Variants in TRPM3 observed in about 807,000 individuals in gnomAD.
TRPM3 encodes the protein long transient receptor potential channel 3.
Under a neutral mutation model 181.2 loss-of-function variants are expected in TRPM3, and 77 were observed. The ratio of observed to expected loss-of-function variants is 0.42; its 90% CI spans 0.35 to 0.51. The LOEUF (loss-of-function observed/expected upper bound fraction) is 0.51. Among genes scored for constraint, TRPM3 ranks in the 20% least tolerant of loss-of-function variants. The pLI is 0.01. For synonymous variants in TRPM3, 745 were observed against 796.4 expected (o/e 0.94, Z 1.09); for missense variants, 1,759 against 2,196.7 (o/e 0.80, Z 3.98).
intron 1 of TRPM3, among the ~76,000 whole-genome samples, chr9:71,382,436 T>C (rs1297923331): frequency 6.6e-6 from 1 of 152,080 alleles, no homozygotes; most frequent in African/African-American, 2.4e-5. Flanking sequence ...TATTGGAAAA[T>C]AGTAAAGCTA....
intron 1 of TRPM3, among the ~76,000 whole-genome samples, chr9:71,133,973 TTGTGTGTGTGTGTG>T (rs72198070): frequency 0.023 from 3,356 of 148,544 alleles, 58 homozygotes; most frequent in East Asian, 0.093. Context: ...CTGTGTGTGT[TTGTGTGTGTGTGTG>T]TGTGTGTGTG....
intron 22 of TRPM3, among the ~76,000 whole-genome samples, chr9:70,559,996 G>A (rs1047160164): frequency 6.6e-6 from 1 of 152,156 alleles, no homozygotes; most frequent in Admixed American, 6.6e-5. Context: ...GAAAATCCTG[G>A]TCCTAGTTTT....
At chr9:71,154,834 C>G (rs1025809246) in intron 1 of TRPM3, among the ~76,000 whole-genome samples, 1 of 152,068 alleles carries the variant, frequency 6.6e-6, no homozygotes, top group South Asian at 2.1e-4. Context: ...AGCAGTGGCA[C>G]CAAAGAACGA....
At chr9:71,125,626 T>C (rs1317051043), upstream of TRPM3, among the ~76,000 whole-genome samples, 1 of 152,224 alleles carries the variant, frequency 6.6e-6, no homozygotes, top group Non-Finnish European at 1.5e-5. Context: ...TTCCATGTCT[T>C]TGCTATTGTG....
rs59512793 is a variant in TRPM3 at position 71,416,010 on chromosome 9, ATT to A, written c.183+30641_183+30642del. Among the ~76,000 whole-genome samples, 799 of 142,502 alleles carry A rather than the reference ATT, an allele frequency of 5.6e-3. 4 individuals carry two copies. Among genetic ancestry groups the A allele is most frequent in the African/African-American group, 0.016 (643 of 39,494 alleles). The allele number at this position is 142,502 out of a possible 152,430, so 93.5% of individuals were successfully genotyped here. A position where few individuals can be genotyped will look rare whatever the true frequency, so the allele number is the denominator to read the frequency against. On this transcript the variant is annotated intron_variant, in intron 1 of 24. Transcript: ENST00000357533. ...AAAGTAATCTTGTTATAATATTCCA[ATT>A]TTTTTTTTTTTTTTACTTTCCATTA...
At chr9:71,061,326 C>A (rs1033839859) in intron 1 of TRPM3, among the ~76,000 whole-genome samples, 1 of 152,038 alleles carries the variant, frequency 6.6e-6, no homozygotes, top group African/African-American at 2.4e-5. Flanking sequence ...TGGGACATCC[C>A]AATCATATAG....
intron 9 of TRPM3, among the ~76,000 whole-genome samples, chr9:70,676,595 TGA>T (rs2064065503): frequency 1.3e-5 from 2 of 152,284 alleles, no homozygotes; most frequent in South Asian, 4.1e-4. Flanking sequence ...CAGGGCCAGC[TGA>T]GAGGAGCAGG....
At chr9:70,811,754 T>G (rs1239265577) in intron 6 of TRPM3, among the ~76,000 whole-genome samples, 4 of 152,192 alleles carry the variant, frequency 2.6e-5, no homozygotes, top group African/African-American at 7.2e-5. Flanking sequence ...TTAGCTACTT[T>G]TGACTTAAAA....
intron 1 of TRPM3, among the ~76,000 whole-genome samples, chr9:71,056,240 C>T (rs1244650457): frequency 6.6e-6 from 1 of 150,552 alleles, no homozygotes; most frequent in Middle Eastern, 3.3e-3. Context: ...CACTCATTGT[C>T]TGTGAATGGA....
chr9:71,198,113 A>G (rs1258921464), intron 1 of TRPM3, among the ~76,000 whole-genome samples: 1 of 149,560 alleles, frequency 6.7e-6, no homozygotes, highest in African/African-American at 2.4e-5. Context: ...TCCCAGCACC[A>G]TTTATTAAAT....
In TRPM3 at chr9:71,010,932, TACACACACAC is replaced by T. The variant is rs60869396; in HGVS notation, c.177+110236_177+110245del. ...AAAATGACACACACACACACACACA[TACACACACAC>T]ACACACACACACACACACATAAATA... On this transcript the variant is annotated intron_variant, in intron 1 of 25. Transcript: ENST00000677713. Among the ~76,000 whole-genome samples, 828 of 147,196 alleles carry T rather than the reference TACACACACAC, an allele frequency of 5.6e-3. 4 individuals are homozygous for T. Among genetic ancestry groups the T allele is most frequent in the Non-Finnish European group, 8.9e-3 (593 of 66,854 alleles).
intron 1 of TRPM3, among the ~76,000 whole-genome samples, chr9:71,000,274 C>A (rs563681504): frequency 5.9e-5 from 9 of 152,156 alleles, no homozygotes; most frequent in Non-Finnish European, 1.3e-4. Flanking sequence ...AATTCAGAAC[C>A]TTAAGATTCT....
chr9:71,331,823 AAGGAAGAGGAGAGGGAGGAGG>A (rs1565470396), intron 1 of TRPM3, among the ~76,000 whole-genome samples: 2 of 14,062 alleles, frequency 1.4e-4, no homozygotes, highest in African/African-American at 5.2e-4. Context: ...GAGAGAGGAG[AAGGAAGAGGAGAGGGAGGAGG>A]AGGAAGAAGA....
At chr9:70,653,277 T>C (rs2059827682) in intron 9 of TRPM3, among the ~76,000 whole-genome samples, 1 of 152,038 alleles carries the variant, frequency 6.6e-6, no homozygotes, top group Non-Finnish European at 1.5e-5. Flanking sequence ...TAACAGGGGA[T>C]ACCATCTGCT....
intron 1 of TRPM3, among the ~76,000 whole-genome samples, chr9:70,909,528 G>A (rs140228327): frequency 6.6e-6 from 1 of 152,122 alleles, no homozygotes; most frequent in Non-Finnish European, 1.5e-5. Context: ...AGGGAAAGAG[G>A]CAACAGCATT....
intron 1 of TRPM3, among the ~76,000 whole-genome samples, chr9:71,099,619 A>C (rs1480925713): frequency 6.6e-6 from 1 of 152,152 alleles, no homozygotes; most frequent in Non-Finnish European, 1.5e-5. Context: ...TCCCCCCCTC[A>C]AAAAACCTGG....
intron 1 of TRPM3, among the ~76,000 whole-genome samples, chr9:71,274,790 T>C (rs2084067652): frequency 6.6e-6 from 1 of 152,246 alleles, no homozygotes; most frequent in South Asian, 2.1e-4. Flanking sequence ...TTTTTACTTA[T>C]AGCTTCTAGT....
chr9:70,682,805 C>T (rs962643699), intron 8 of TRPM3, among the ~76,000 whole-genome samples: 14 of 152,132 alleles, frequency 9.2e-5, no homozygotes, highest in Non-Finnish European at 2.1e-4. Flanking sequence ...TTATAGTACT[C>T]AACTGTTTCA....
At chr9:71,325,336 T>C (rs976132635) in intron 1 of TRPM3, among the ~76,000 whole-genome samples, 1 of 152,180 alleles carries the variant, frequency 6.6e-6, no homozygotes, top group African/African-American at 2.4e-5. Flanking sequence ...TGCTGATATG[T>C]CTTCAGCACC....
Sources: allele counts gnomAD v4.1 joint callset (sites outside exome capture counted in the v4.1 genomes callset), GRCh38; gene constraint gnomAD v4.1.1; transcripts MANE v1.5; gene names NCBI Gene and HGNC (gene_info 2026-07-23, HGNC 2026-07-21).